Variants in TSPAN15 observed in about 807,000 individuals in gnomAD.
TSPAN15 encodes tetraspanin 15, also known as tetraspanin-15.
In TSPAN15, 20 loss-of-function variants were observed where a neutral mutation model predicts 34.5. That is an observed-to-expected ratio of 0.58 (90% CI 0.41 to 0.84). The LOEUF is 0.84. Among genes scored for constraint, TSPAN15 ranks in the 40% least tolerant of loss-of-function variants. TSPAN15 has a pLI of 0.00. For synonymous variants in TSPAN15, 155 were observed against 153.9 expected, an observed-to-expected ratio of 1.01 and a Z score of -0.05; for missense variants, 313 against 386.1, an observed-to-expected ratio of 0.81 and a Z score of 1.59.
the TSPAN15 span, among the ~76,000 whole-genome samples, chr10:69,522,375 C>CAA: frequency 5.8e-3 from 281 of 48,170 alleles, 2 homozygotes; most frequent in African/African-American, 0.013. Context: ...GACCTTGTCT[C>CAA]AAAAAAAAAA....
chr10:69,475,058 T>C (rs1032125521), intron 1 of TSPAN15, among the ~76,000 whole-genome samples: 3 of 152,078 alleles, frequency 2.0e-5, no homozygotes. Context: ...CGTGGCTCTC[T>C]TGGTTCAGAC....
intron 3 of TSPAN15, among the ~76,000 whole-genome samples, chr10:69,486,334 C>T (rs1841852799): frequency 1.3e-5 from 2 of 152,220 alleles, no homozygotes; most frequent in Non-Finnish European, 2.9e-5. Context: ...CACTGCCTGG[C>T]CTGTACCCCT....
the TSPAN15 span, among the ~76,000 whole-genome samples, chr10:69,532,421 A>G: frequency 0.11 from 17,393 of 152,246 alleles, 1,262 homozygotes; most frequent in South Asian, 0.16. Context: ...CAAAAACATA[A>G]CATGGGGAAA....
chr10:69,498,446 G>A, intron 5 of TSPAN15, 50 bp downstream of exon 5: 1 of 1,455,670 alleles, frequency 6.9e-7, no homozygotes, highest in East Asian at 2.3e-5. Context: ...ACCCCAGGTG[G>A]TATAAATGTT....
intron 3 of TSPAN15, among the ~76,000 whole-genome samples, chr10:69,493,459 G>A (rs1842010098): frequency 6.7e-6 from 1 of 149,674 alleles, no homozygotes; most frequent in African/African-American, 2.5e-5. Context: ...CAGTTTCTCC[G>A]AGCCCATCTC....
At chr10:69,498,251 A>G in intron 4 of TSPAN15, 29 bp from the exon 5 acceptor site, 1 of 1,602,010 alleles carries the variant, frequency 6.2e-7, no homozygotes, top group South Asian at 1.1e-5. Context: ...CGATGACGGC[A>G]GCTCCTCTTT....
chr10:69,492,720 C>T (rs1018720213), intron 3 of TSPAN15, among the ~76,000 whole-genome samples: 1 of 152,206 alleles, frequency 6.6e-6, no homozygotes, highest in African/African-American at 2.4e-5. Context: ...CCTTTCCCCA[C>T]AGCCACAGAG....
intron 1 of TSPAN15, among the ~76,000 whole-genome samples, chr10:69,459,556 G>A (rs1231963684): frequency 6.7e-6 from 1 of 150,268 alleles, no homozygotes; most frequent in Non-Finnish European, 1.5e-5. Context: ...GGCAGAGAGA[G>A]CCATGAGTTC....
chr10:69,485,042 T>G, intron 2 of TSPAN15, 99 bp from the exon 3 acceptor site: 1 of 1,177,864 alleles, frequency 8.5e-7, no homozygotes, highest in Non-Finnish European at 1.3e-6. Flanking sequence ...CGAGGGATGC[T>G]TCTCTTTGTG....
chr10:69,467,077 G>T (rs1016177372), intron 1 of TSPAN15, among the ~76,000 whole-genome samples: 2 of 152,176 alleles, frequency 1.3e-5, no homozygotes, highest in African/African-American at 4.8e-5. Context: ...ATGTTGGCTT[G>T]TCGCATGCAT....
the TSPAN15 span, among the ~76,000 whole-genome samples, chr10:69,513,695 G>A: frequency 2.6e-5 from 4 of 152,222 alleles, no homozygotes; most frequent in South Asian, 2.1e-4. Flanking sequence ...TTATAGTTAC[G>A]TTACAATTAT....
rs576851514 is a variant in TSPAN15 at position 69,457,230 on chromosome 10, C to G, written c.96+5540C>G. On this transcript the variant is annotated intron_variant, in intron 1 of 7. Transcript: ENST00000373290. ...TCCATATCCTCCTCTGAATGCTGCC[C>G]CTGGGGCCTGTGCACACAGTAGGTG... Among the ~76,000 whole-genome samples, 9 of 152,300 alleles carry G rather than the reference C, an allele frequency of 5.9e-5. No homozygotes were observed. In the South Asian group the frequency reaches 1.9e-3, roughly 32 times the overall value.
intron 1 of TSPAN15, among the ~76,000 whole-genome samples, chr10:69,452,620 G>A (rs975082938): frequency 3.3e-5 from 5 of 152,150 alleles, no homozygotes; most frequent in African/African-American, 1.2e-4. Context: ...TACTATCGTG[G>A]GCAGGGAATT....
rs149280069 is a variant in TSPAN15 at position 69,486,176 on chromosome 10, C to G, written c.357+961C>G. Among the ~76,000 whole-genome samples the G allele has an allele frequency of 3.3e-5, 5 of 152,346 alleles. No homozygotes were observed. In the East Asian group the frequency reaches 7.7e-4, roughly 24 times the overall value. ...CTGGCACATAGTGGTCAAGGCCCCA[C>G]AAGAAGCTGGTGGTGGAGCAGGGCT... is the stretch of plus-strand genomic sequence containing the variant. On this transcript the variant is annotated intron_variant, in intron 3 of 7. Coordinates refer to ENST00000373290, the MANE Select transcript of TSPAN15 (RefSeq NM_012339.5).
intron 3 of TSPAN15, chr10:69,494,729 T>A (rs1453708250): frequency 1.6e-5 from 16 of 985,270 alleles, no homozygotes; most frequent in African/African-American, 1.7e-5. Flanking sequence ...ATTGTCTGGC[T>A]CTTCAGTCTG....
At chr10:69,457,520 A>G (rs1349603013) in intron 1 of TSPAN15, among the ~76,000 whole-genome samples, 1 of 152,186 alleles carries the variant, frequency 6.6e-6, no homozygotes, top group Non-Finnish European at 1.5e-5. Flanking sequence ...CAGGAAGAAA[A>G]GGACTTGGTG....
chr10:69,489,065 T>G (rs540194447), intron 3 of TSPAN15, among the ~76,000 whole-genome samples: 28 of 152,296 alleles, frequency 1.8e-4, no homozygotes, highest in African/African-American at 6.5e-4. Flanking sequence ...TTATCTCAAC[T>G]GCATAAGAGA....
At position 69,507,283 on chromosome 10, in the gene TSPAN15, G is replaced by C; in HGVS notation, c.*305G>C. 7.6e-7 allele frequency: 1 copy of C among 1,312,068 alleles called. No individual in the cohort carries two copies. The highest frequency in any genetic ancestry group is 3.3e-5 in the Admixed American group (1 of 29,916). The allele number at this position is 1,312,068 out of a possible 1,614,324, so 81.3% of individuals were successfully genotyped here. ...GAGGGAGAGCCTGAGGCTCTGCTCA[G>C]GGCCCATTTCATCTCTGGCAGTGCC... On this transcript the variant is annotated 3_prime_UTR_variant, in exon 8 of 8. Transcript: ENST00000373290.
At chr10:69,480,325 GGAA>G in intron 1 of TSPAN15, among the ~76,000 whole-genome samples, 1 of 148,152 alleles carries the variant, frequency 6.7e-6, no homozygotes, top group East Asian at 2.0e-4. Flanking sequence ...ATCCTGCCAG[GGAA>G]GAAGAAGCAT....
Sources: allele counts gnomAD v4.1 joint callset (sites outside exome capture counted in the v4.1 genomes callset), GRCh38; gene constraint gnomAD v4.1.1; transcripts MANE v1.5; gene names NCBI Gene and HGNC (gene_info 2026-07-23, HGNC 2026-07-21).